The following ZMYM5 variants were observed in gnomAD, a reference collection of about 807,000 sequenced individuals.
The protein encoded by ZMYM5 is zinc finger MYM-type containing 5, also known as zinc finger MYM-type protein 5.
ZMYM5 carries 41 observed loss-of-function variants against 61.8 expected under a neutral mutation model. That is an observed-to-expected ratio of 0.66 (90% CI 0.52 to 0.86). ZMYM5 has a LOEUF of 0.86. Among genes scored for constraint, ZMYM5 ranks in the 40% least tolerant of loss-of-function variants. The pLI, the probability that ZMYM5 is intolerant of heterozygous loss-of-function variation, is 0.00. For synonymous variants in ZMYM5, 257 were observed against 276.4 expected, an observed-to-expected ratio of 0.93 and a Z score of 0.70; for missense variants, 706 against 786.7, an observed-to-expected ratio of 0.90 and a Z score of 1.23.
intron 2 of ZMYM5, among the ~76,000 whole-genome samples, chr13:19,854,233 C>A (rs1055807601): frequency 2.6e-5 from 4 of 152,004 alleles, no homozygotes; most frequent in African/African-American, 9.7e-5. Context: ...TGGTCTTGAT[C>A]TCTTGACCTC....
intron 4 of ZMYM5, among the ~76,000 whole-genome samples, chr13:19,845,628 TAGAA>T (rs1190154447): frequency 6.6e-6 from 1 of 152,208 alleles, no homozygotes; most frequent in African/African-American, 2.4e-5. Context: ...GATAATTTGT[TAGAA>T]AGACTCACAG....
intron 6 of ZMYM5, 165 bp downstream of exon 6, chr13:19,837,489 TAA>T: frequency 6.3e-7 from 1 of 1,582,332 alleles, no homozygotes; most frequent in Non-Finnish European, 8.5e-7. Context: ...ATTTTATTTA[TAA>T]AATATCCCAT....
intron 4 of ZMYM5, among the ~76,000 whole-genome samples, chr13:19,847,803 A>ATTTTTTTTTTTTTTTT (rs34176871): frequency 1.9e-4 from 15 of 79,884 alleles, no homozygotes; most frequent in Non-Finnish European, 2.0e-4. Context: ...TGCCCGGCTA[A>ATTTTTTTTTTTTTTTT]TTTTTTTTTT....
chr13:19,827,584 G>A (rs1890973709), intron 7 of ZMYM5, among the ~76,000 whole-genome samples: 1 of 152,116 alleles, frequency 6.6e-6, no homozygotes, highest in Non-Finnish European at 1.5e-5. Flanking sequence ...ATTGTTAGAT[G>A]AGGTCACCAT....
chr13:19,854,519 G>A (rs1953433800), intron 2 of ZMYM5, among the ~76,000 whole-genome samples: 1 of 151,822 alleles, frequency 6.6e-6, no homozygotes, highest in Non-Finnish European at 1.5e-5. Context: ...CAGCTACTCA[G>A]GAGTCTGAGG....
At chr13:19,850,043 C>T (rs1593899370) in intron 4 of ZMYM5, among the ~76,000 whole-genome samples, 2 of 151,690 alleles carry the variant, frequency 1.3e-5, no homozygotes, top group Admixed American at 6.6e-5. Flanking sequence ...CTCAGGTTCT[C>T]GTTACTTTTC....
intron 4 of ZMYM5, among the ~76,000 whole-genome samples, chr13:19,841,222 A>G (rs1286658648): frequency 6.6e-6 from 1 of 152,114 alleles, no homozygotes; most frequent in Non-Finnish European, 1.5e-5. Context: ...CTCAGCCTCC[A>G]AAGTGCTGGG....
At chr13:19,849,468 A>G (rs1161926956) in intron 4 of ZMYM5, among the ~76,000 whole-genome samples, 1 of 152,172 alleles carries the variant, frequency 6.6e-6, no homozygotes, top group Non-Finnish European at 1.5e-5. Context: ...AGATTAAGTA[A>G]ATCAGCAGGA....
intron 7 of ZMYM5, among the ~76,000 whole-genome samples, 200 bp downstream of exon 7, chr13:19,835,277 G>T (rs1042402874): frequency 6.6e-6 from 1 of 152,044 alleles, no homozygotes; most frequent in Non-Finnish European, 1.5e-5. Context: ...TTACACAAGT[G>T]AGTCACTGCA....
At chr13:19,858,271 A>T (rs1289486581) in intron 2 of ZMYM5, among the ~76,000 whole-genome samples, 3 of 151,852 alleles carry the variant, frequency 2.0e-5, no homozygotes, top group African/African-American at 7.2e-5. Flanking sequence ...CCTAGAAATC[A>T]CTAGCCCAGC....
At chr13:19,854,627 C>CA (rs58132634) in intron 2 of ZMYM5, among the ~76,000 whole-genome samples, 96,080 of 123,748 alleles carry the variant, frequency 0.78, 39,003 homozygotes, top group East Asian at 0.89. Context: ...GACTTCGTCT[C>CA]AAAAAAAAAA....
intron 7 of ZMYM5, among the ~76,000 whole-genome samples, chr13:19,827,719 G>C (rs752462808): frequency 6.6e-6 from 1 of 151,946 alleles, no homozygotes; most frequent in Non-Finnish European, 1.5e-5. Flanking sequence ...AAACTAAAAA[G>C]ATTTAACATA....
chr13:19,840,422 G>A (rs985349163), intron 4 of ZMYM5, among the ~76,000 whole-genome samples: 1 of 152,226 alleles, frequency 6.6e-6, no homozygotes, highest in Non-Finnish European at 1.5e-5. Context: ...TGCCCAGTCT[G>A]AAGTGCAGTG....
In ZMYM5 at chr13:19,838,837, T is replaced by C; in HGVS notation, c.735A>G (p.Ala245=). The change falls in exon 5 of 8, where the codon GCA becomes GCG. Residue 245 remains alanine, a synonymous_variant. Transcript: ENST00000337963. ...CCTTCTGTAAAGGCTTTTTGCAATT[T>C]GCACAAGTGATTTTAGCTGGTTTAG... ...QLTKPAKITC[A]NCKKPLQKGQ... 2.2e-5 allele frequency: 36 copies of C among 1,614,190 alleles called. No individual in the cohort carries two copies. The highest frequency in any genetic ancestry group is 3.0e-5 in the Non-Finnish European group (35 of 1,180,046).
intron 2 of ZMYM5, among the ~76,000 whole-genome samples, chr13:19,856,255 C>T (rs973855865): frequency 6.6e-6 from 1 of 152,088 alleles, no homozygotes; most frequent in Admixed American, 6.5e-5. Context: ...AAACTGTGAA[C>T]AGGGATAACA....
At chr13:19,837,543 T>G in intron 6 of ZMYM5, 113 bp downstream of exon 6, 1 of 1,605,040 alleles carries the variant, frequency 6.2e-7, no homozygotes, top group Non-Finnish European at 8.5e-7. Context: ...TTCAGCTTCA[T>G]GTTATACATC....
intron 7 of ZMYM5, among the ~76,000 whole-genome samples, chr13:19,828,982 T>C (rs932835319): frequency 3.9e-5 from 6 of 151,986 alleles, no homozygotes; most frequent in South Asian, 4.2e-4. Context: ...TGGTGGCACA[T>C]GCCTGCAGTC....
At chr13:19,838,614 T>C in intron 5 of ZMYM5, 86 bp downstream of exon 5, 1 of 1,489,034 alleles carries the variant, frequency 6.7e-7, no homozygotes. Flanking sequence ...TACCCATAAA[T>C]CTATCCAGCT....
At chr13:19,839,386 T>C (rs1406293055) in intron 4 of ZMYM5, among the ~76,000 whole-genome samples, 1 of 151,934 alleles carries the variant, frequency 6.6e-6, no homozygotes, top group Non-Finnish European at 1.5e-5. Flanking sequence ...TCAAAAAATA[T>C]TAGCTACTTT....
Sources: gnomAD v4.1 joint callset for allele counts (sites outside exome capture counted in the v4.1 genomes callset) on GRCh38, gnomAD v4.1.1 for gene constraint, MANE v1.5 for transcripts, NCBI Gene and HGNC (gene_info 2026-07-23, HGNC 2026-07-21) for gene names.